CEP83: variants seen among roughly 807,000 people sequenced by gnomAD.
CEP83 encodes the protein centrosomal protein 83.
A neutral mutation model predicts 101.9 loss-of-function variants in CEP83; 70 were observed. The observed-to-expected ratio is 0.69, with a 90% confidence interval of 0.57 to 0.84. CEP83 has a LOEUF of 0.84. Among genes scored for constraint, CEP83 ranks in the 40% least tolerant of loss-of-function variants. The probability of loss-of-function intolerance (pLI) is 0.00; values close to 1 mark genes in which losing one functional copy is unlikely to be tolerated. For synonymous variants in CEP83, 264 were observed against 267.9 expected (o/e 0.99, Z 0.14); for missense variants, 715 against 787.2 (o/e 0.91, Z 1.10).
intron 14 of CEP83, among the ~76,000 whole-genome samples, chr12:94,318,122 T>C (rs930066687): frequency 6.6e-6 from 1 of 151,936 alleles, no homozygotes; most frequent in Non-Finnish European, 1.5e-5. Context: ...TAATTATCAT[T>C]GTAGAGATCA....
At chr12:94,374,035 C>T (rs1269374863) in intron 8 of CEP83, among the ~76,000 whole-genome samples, 1 of 152,062 alleles carries the variant, frequency 6.6e-6, no homozygotes, top group African/African-American at 2.4e-5. Context: ...TTTAAAAAGA[C>T]AGGCAACTCT....
chr12:94,422,072 C>G lies in CEP83; in HGVS notation c.-101-9481G>C, dbSNP rs1248028957. On this transcript the variant is annotated intron_variant, in intron 2 of 16. Transcript: ENST00000397809. ...AAGCATTAGGTTATAGCCTGTTTCT[C>G]TTCCTTATTTGGAGGTGTTTTGGCC... Among the ~76,000 whole-genome samples the G allele has an allele frequency of 2.6e-5, 4 of 152,230 alleles. No homozygotes were observed. The East Asian group carries it at 7.7e-4, about 29-fold the overall frequency.
In CEP83 at chr12:94,369,955, T is replaced by C; in HGVS notation, c.1015A>G (p.Arg339Gly). 1.2e-6 allele frequency: 2 copies of C among 1,606,274 alleles called. No individual in the cohort carries two copies. The highest frequency in any genetic ancestry group is 1.7e-6 in the Non-Finnish European group (2 of 1,173,494). Reference sequence around the variant, plus strand: ...TCACTTTGAATCTTATTCCTTTCTCTTTCTAGCTCACTCTTAGCTCTTGCT... The same window carrying C: ...TCACTTTGAATCTTATTCCTTTCTCCTTCTAGCTCACTCTTAGCTCTTGCT... ...ETARAKSELERERNKIQSELD... is the reference protein window; with the variant it reads ...ETARAKSELEGERNKIQSELD... Residue 339 changes from arginine (R) to glycine (G), a missense_variant, in exon 9 of 17, where the codon AGA (arginine) becomes GGA (glycine). Coordinates refer to ENST00000397809, the MANE Select transcript of CEP83 (RefSeq NM_016122.3).
At chr12:94,459,058 T>G (rs949835921) in intron 1 of CEP83, among the ~76,000 whole-genome samples, 2 of 152,218 alleles carry the variant, frequency 1.3e-5, no homozygotes, top group Non-Finnish European at 2.9e-5. Context: ...ATCCTAGAGA[T>G]CTGTAAGATT....
At chr12:94,428,500 T>C (rs1434048286) in intron 2 of CEP83, among the ~76,000 whole-genome samples, 3 of 152,246 alleles carry the variant, frequency 2.0e-5, no homozygotes, top group Non-Finnish European at 4.4e-5. Flanking sequence ...TTTACTTCTA[T>C]GAGATTTATG....
chr12:94,433,118 G>A (rs931267796), intron 2 of CEP83, among the ~76,000 whole-genome samples: 1 of 152,154 alleles, frequency 6.6e-6, no homozygotes, highest in Non-Finnish European at 1.5e-5. Flanking sequence ...GGGAGGTAAG[G>A]TAGGGCCTAG....
At chr12:94,442,980 T>G (rs960273890) in intron 1 of CEP83, among the ~76,000 whole-genome samples, 1 of 152,220 alleles carries the variant, frequency 6.6e-6, no homozygotes, top group African/African-American at 2.4e-5. Flanking sequence ...GTCCCAGACT[T>G]TAGTATTTTC....
At chr12:94,457,567 C>T (rs1191697135) in intron 1 of CEP83, among the ~76,000 whole-genome samples, 1 of 152,116 alleles carries the variant, frequency 6.6e-6, no homozygotes, top group Admixed American at 6.5e-5. Context: ...CCATCTTGCC[C>T]AACTTTTGAA....
Position 94,393,799 on chromosome 12 carries a change from C to T in CEP83, c.549+7051G>A, listed in dbSNP as rs557701489. On this transcript the variant is annotated intron_variant, in intron 6 of 16. Coordinates refer to ENST00000397809, the MANE Select transcript of CEP83 (RefSeq NM_016122.3). ...AGTCTCAGGATACAAAATCAATGGG[C>T]AAAAATCACAAGCATTCCTATACAC... is the stretch of plus-strand genomic sequence containing the variant. Among the ~76,000 whole-genome samples, 3 of 152,230 alleles carry T rather than the reference C, an allele frequency of 2.0e-5. No individual in the cohort carries two copies. In the South Asian group the frequency reaches 6.2e-4, roughly 32 times the overall value.
At chr12:94,449,883 T>C (rs1004265024) in intron 1 of CEP83, among the ~76,000 whole-genome samples, 1 of 148,296 alleles carries the variant, frequency 6.7e-6, no homozygotes, top group African/African-American at 2.5e-5. Flanking sequence ...TCAATTAATA[T>C]ATAGCATACT....
intron 2 of CEP83, chr12:94,424,839 T>G: frequency 6.3e-7 from 1 of 1,598,838 alleles, no homozygotes; most frequent in Admixed American, 1.7e-5. Flanking sequence ...CTTCCACTAC[T>G]GCTGTTAGGT....
At chr12:94,425,262 GA>G (rs1202118191) in intron 2 of CEP83, among the ~76,000 whole-genome samples, 1 of 152,124 alleles carries the variant, frequency 6.6e-6, no homozygotes, top group East Asian at 1.9e-4. Context: ...ATCTCAGGAG[GA>G]ACCTAAGTGC....
downstream of CEP83, chr12:94,305,383 A>G: frequency 1.4e-6 from 1 of 697,418 alleles, no homozygotes; most frequent in Non-Finnish European, 2.5e-6. Context: ...TGTTGTTTGC[A>G]CATAGGTTCC....
rs778563759 is a variant in CEP83 at position 94,333,622 on chromosome 12, C to T, written c.1437G>A (p.Gln479=). ...SDLKQQISSL[Q]IQVTSLAQSE... ...ACTGTGCAAGTGAAGTCACTTGGAT[C>T]TGCAAACTACTGATTTGCTTAAAAG... The change falls in exon 13 of 17, where the codon CAG becomes CAA. Residue 479 remains glutamine, a synonymous_variant. Transcript: ENST00000397809. The T allele has an allele frequency of 4.3e-5, 69 of 1,612,164 alleles. No individual in the cohort carries two copies. Among genetic ancestry groups the T allele is most frequent in the Middle Eastern group, 1.6e-4 (1 of 6,082 alleles).
the CEP83 span, among the ~76,000 whole-genome samples, chr12:94,290,305 A>G: frequency 2.0e-5 from 3 of 152,206 alleles, no homozygotes; most frequent in African/African-American, 7.2e-5. Flanking sequence ...GAGTATTGCT[A>G]AGGGGGTGCC....
the CEP83 span, chr12:94,280,250 C>G: frequency 1.2e-5 from 2 of 163,078 alleles, no homozygotes; most frequent in Middle Eastern, 6.4e-3. Context: ...GGCCCCACTT[C>G]CCTCAAATGT....
chr12:94,407,382 A>C (rs1305264478), intron 4 of CEP83, among the ~76,000 whole-genome samples: 1 of 152,216 alleles, frequency 6.6e-6, no homozygotes, highest in African/African-American at 2.4e-5. Context: ...AAAACCAGAC[A>C]AAGTGCACTG....
intron 6 of CEP83, among the ~76,000 whole-genome samples, chr12:94,382,989 T>C (rs1459581969): frequency 6.6e-6 from 1 of 152,218 alleles, no homozygotes; most frequent in South Asian, 2.1e-4. Flanking sequence ...ATTATAGATT[T>C]GTCTATTTCA....
At chr12:94,284,415 T>C in the CEP83 span, among the ~76,000 whole-genome samples, 2 of 152,114 alleles carry the variant, frequency 1.3e-5, no homozygotes, top group African/African-American at 4.8e-5. Flanking sequence ...ATGGAGTTGG[T>C]TAGGTCAGAT....
Sources: gnomAD v4.1 joint callset for allele counts (sites outside exome capture counted in the v4.1 genomes callset) on GRCh38, gnomAD v4.1.1 for gene constraint, MANE v1.5 for transcripts, NCBI Gene and HGNC (gene_info 2026-07-23, HGNC 2026-07-21) for gene names.